IGF1R: variants seen among roughly 807,000 people sequenced by gnomAD.
IGF1R encodes insulin like growth factor 1 receptor.
In IGF1R, 44 loss-of-function variants were observed where a neutral mutation model predicts 144.6. The ratio of observed to expected loss-of-function variants is 0.30; its 90% CI spans 0.24 to 0.39. The LOEUF is 0.39. Ranked by LOEUF, IGF1R falls within the 10% of genes least tolerant of loss-of-function variation. The pLI is 1.00. For missense variants in IGF1R, 1,355 were observed against 1,833.7 expected, an observed-to-expected ratio of 0.74 and a Z score of 4.77; for synonymous variants, 795 against 722.8, an observed-to-expected ratio of 1.10 and a Z score of -1.60.
chr15:98,859,775 G>C (rs1250351896), intron 2 of IGF1R, among the ~76,000 whole-genome samples: 5 of 152,202 alleles, frequency 3.3e-5, no homozygotes, highest in East Asian at 1.9e-4. Context: ...ATATAAGAAG[G>C]TGTATGTGTT....
At chr15:98,739,741 G>A (rs2054694915) in intron 2 of IGF1R, among the ~76,000 whole-genome samples, 1 of 152,166 alleles carries the variant, frequency 6.6e-6, no homozygotes, top group Non-Finnish European at 1.5e-5. Flanking sequence ...GCAGGTGCAC[G>A]CCACCACATG....
chr15:98,722,556 C>G (rs1469039816), intron 2 of IGF1R, among the ~76,000 whole-genome samples: 2 of 152,188 alleles, frequency 1.3e-5, no homozygotes, highest in African/African-American at 4.8e-5. Context: ...TATGTGCCCT[C>G]AAGCCGGTTT....
chr15:98,924,020 TG>T lies in IGF1R; in HGVS notation c.2622+12del. ...TACGGATCACAAGTTGAGGTAGGAC[TG>T]GGGCAGTGGCCCGTGCCTGCATGTA... On this transcript the variant is annotated intron_variant, in intron 12 of 20. Transcript: ENST00000650285. 1 of 1,613,612 alleles carries T rather than the reference TG, an allele frequency of 6.2e-7. No individual in the cohort carries two copies. The highest frequency in any genetic ancestry group is 8.5e-7 in the Non-Finnish European group (1 of 1,179,470).
intron 2 of IGF1R, among the ~76,000 whole-genome samples, chr15:98,881,040 A>C (rs150178511): frequency 6.6e-6 from 1 of 152,148 alleles, no homozygotes; most frequent in African/African-American, 2.4e-5. Flanking sequence ...CTGCTTGCAC[A>C]CTTCTGCAGA....
chr15:98,810,318 C>T (rs2056558892), intron 2 of IGF1R, among the ~76,000 whole-genome samples: 1 of 152,146 alleles, frequency 6.6e-6, no homozygotes. Flanking sequence ...TCTAGTGAAG[C>T]TAGCATTCAC....
chr15:98,689,435 C>T (rs2141228807), intron 1 of IGF1R, among the ~76,000 whole-genome samples: 1 of 48,202 alleles, frequency 2.1e-5, no homozygotes, highest in African/African-American at 6.5e-5. Flanking sequence ...GACAAAGTTT[C>T]ATCATGTTAT....
Position 98,830,348 on chromosome 15 carries a change from T to C in IGF1R, c.641-60977T>C, listed in dbSNP as rs546597696. ...CTTCTCCTTTGCCATGTGTTTTCAT[T>C]TCTGCCAGACACTGGCACTGGGGAA... On this transcript the variant is annotated intron_variant, in intron 2 of 20. Coordinates refer to ENST00000650285, the MANE Select transcript of IGF1R (RefSeq NM_000875.5). 3.3e-5 allele frequency among the ~76,000 whole-genome samples: 5 copies of C among 152,348 alleles called. No homozygotes were observed. The South Asian group carries it at 1.0e-3, about 32-fold the overall frequency.
chr15:98,726,712 ATTT>A (rs756622481), intron 2 of IGF1R, among the ~76,000 whole-genome samples: 1,979 of 92,958 alleles, frequency 0.021, 29 homozygotes, highest in South Asian at 0.066. Flanking sequence ...TACATTGATG[ATTT>A]TTTTTTTTTT....
At chr15:98,946,026 A>C (rs2016537747) in intron 19 of IGF1R, among the ~76,000 whole-genome samples, 1 of 151,902 alleles carries the variant, frequency 6.6e-6, no homozygotes. Context: ...GATGATGACG[A>C]TGACGACGAT....
chr15:98,730,306 A>T (rs1483973153), intron 2 of IGF1R, among the ~76,000 whole-genome samples: 4 of 152,162 alleles, frequency 2.6e-5, no homozygotes, highest in Non-Finnish European at 5.9e-5. Context: ...ATAAGTATAT[A>T]ACTAAAATAA....
At chr15:98,717,192 C>T (rs2054138112) in intron 2 of IGF1R, among the ~76,000 whole-genome samples, 1 of 152,218 alleles carries the variant, frequency 6.6e-6, no homozygotes, top group Non-Finnish European at 1.5e-5. Flanking sequence ...ATAGTGCCAT[C>T]TGTTTGCCTC....
At chr15:98,811,556 A>T (rs991433598) in intron 2 of IGF1R, among the ~76,000 whole-genome samples, 1 of 150,782 alleles carries the variant, frequency 6.6e-6, no homozygotes, top group African/African-American at 2.4e-5. Context: ...TTATTTCTCT[A>T]TGTAAACAAA....
At chr15:98,897,873 A>T (rs2014281822) in intron 4 of IGF1R, among the ~76,000 whole-genome samples, 1 of 152,056 alleles carries the variant, frequency 6.6e-6, no homozygotes, top group African/African-American at 2.4e-5. Flanking sequence ...ATATCGTAAA[A>T]TGGCTTTGAA....
chr15:98,790,374 G>C lies in IGF1R; in HGVS notation c.640+82267G>C, dbSNP rs151301657. ...TTACAAGTGATCATTCCCTTGGTAG[G>C]GCAGTGCCAGACCCTGCTTGTGAGC... On this transcript the variant is annotated intron_variant, in intron 2 of 20. Transcript: ENST00000650285. Among the ~76,000 whole-genome samples, 3 of 152,306 alleles carry C rather than the reference G, an allele frequency of 2.0e-5. No homozygotes were observed. The East Asian group carries it at 5.8e-4, about 29-fold the overall frequency.
chr15:98,879,000 A>G (rs1379802277), intron 2 of IGF1R, among the ~76,000 whole-genome samples: 1 of 144,552 alleles, frequency 6.9e-6, no homozygotes, highest in Non-Finnish European at 1.5e-5. Context: ...TGACTCAAAG[A>G]AAAAAAAAAT....
rs1275152039 is a variant in IGF1R, at chr15:98,908,847, G to T, written c.1410G>T (p.Gly470=). The T allele has an allele frequency of 2.6e-5, 42 of 1,614,028 alleles. No homozygotes were observed. Among genetic ancestry groups the T allele is most frequent in the Non-Finnish European group, 3.1e-5 (37 of 1,180,024 alleles). Residue 470 remains glycine (G), a synonymous_variant, in exon 6 of 21, where the codon GGG becomes GGT. Coordinates refer to ENST00000650285, the MANE Select transcript of IGF1R (RefSeq NM_000875.5). ...YRMEEVTGTK[G]RQSKGDINTR... is the part of the protein sequence containing the mutation. ...TGGAGGAAGTGACGGGGACTAAAGG[G>T]CGCCAAAGCAAAGGGGACATAAACA...
chr15:98,935,064 G>A lies in IGF1R; in HGVS notation c.3186+11G>A, dbSNP rs769049155. 10 of 1,608,912 alleles carry A rather than the reference G, an allele frequency of 6.2e-6. No individual in the cohort carries two copies. The highest frequency in any genetic ancestry group is 1.7e-4 in the Middle Eastern group (1 of 6,014). On this transcript the variant is annotated intron_variant, in intron 16 of 20. Transcript: ENST00000650285. This position sits in a 1 kb window ranked among gnomAD's most constrained non-coding sequence, Gnocchi z 4.2. The stretch of plus-strand genomic sequence containing the variant: ...AATTGTCACCATGTGGTAAGAGAAA[G>A]TTCCTGAAAAGCCAAAATGCAGCAC...
chr15:98,940,012 AC>A (rs2016307435), intron 18 of IGF1R, among the ~76,000 whole-genome samples: 3 of 152,166 alleles, frequency 2.0e-5, no homozygotes, highest in Admixed American at 2.0e-4. Context: ...CCACTGTCAC[AC>A]CAGAAAAAAG....
At chr15:98,650,196 G>T (rs994103707) in intron 1 of IGF1R, among the ~76,000 whole-genome samples, 2 of 152,114 alleles carry the variant, frequency 1.3e-5, no homozygotes, top group Admixed American at 1.3e-4. Flanking sequence ...TGCCCTCGAG[G>T]GGGGAGGTGC....
Sources: gnomAD v4.1 joint callset for allele counts (sites outside exome capture counted in the v4.1 genomes callset) on GRCh38, gnomAD v4.1.1 for gene constraint, Gnocchi (gnomAD v3.1) non-coding constraint, MANE v1.5 for transcripts, NCBI Gene and HGNC (gene_info 2026-07-23, HGNC 2026-07-21) for gene names.